BLTP3A: variants seen among roughly 807,000 people sequenced by gnomAD.
BLTP3A encodes ICBP90 binding protein 1.
At chr6:34,850,272 C>A in the BLTP3A span, among the ~76,000 whole-genome samples, 1 of 152,148 alleles carries the variant, frequency 6.6e-6, no homozygotes, top group Non-Finnish European at 1.5e-5. Flanking sequence ...TCTCTTGCAG[C>A]TTTTAGGATC....
chr6:34,835,875 T>G, the BLTP3A span, among the ~76,000 whole-genome samples: 2 of 152,234 alleles, frequency 1.3e-5, no homozygotes, highest in Non-Finnish European at 2.9e-5. Context: ...AGGAAATGTT[T>G]TAGCATCAGT....
the BLTP3A span, chr6:34,835,289 C>T: frequency 6.2e-7 from 1 of 1,613,580 alleles, no homozygotes; most frequent in Non-Finnish European, 8.5e-7. Flanking sequence ...CTGTGGCTTC[C>T]TCAGACCAAA....
At chr6:34,799,104 G>C in the BLTP3A span, among the ~76,000 whole-genome samples, 1 of 151,948 alleles carries the variant, frequency 6.6e-6, no homozygotes, top group Non-Finnish European at 1.5e-5. Flanking sequence ...ACCAGGCCTG[G>C]CTAATTTTTG....
chr6:34,860,543 C>G, the BLTP3A span, among the ~76,000 whole-genome samples: 2 of 152,104 alleles, frequency 1.3e-5, no homozygotes, highest in South Asian at 2.1e-4. Flanking sequence ...CTTCAAGGGT[C>G]GAGTTGTATA....
chr6:34,834,415 C>G, the BLTP3A span: 1 of 1,612,210 alleles, frequency 6.2e-7, no homozygotes, highest in Non-Finnish European at 8.5e-7. Flanking sequence ...AGGTGACAGC[C>G]CCATCATTGT....
At chr6:34,838,219 A>G in the BLTP3A span, among the ~76,000 whole-genome samples, 1 of 152,230 alleles carries the variant, frequency 6.6e-6, no homozygotes, top group Non-Finnish European at 1.5e-5. Flanking sequence ...TTCTTCTTAC[A>G]TTATGATTGT....
the BLTP3A span, among the ~76,000 whole-genome samples, chr6:34,844,186 G>A: frequency 6.6e-6 from 1 of 152,082 alleles, no homozygotes; most frequent in Non-Finnish European, 1.5e-5. Flanking sequence ...GTTTCACCAT[G>A]TTAGTCAGGA....
At chr6:34,833,632 A>G in the BLTP3A span, among the ~76,000 whole-genome samples, 26 of 152,062 alleles carry the variant, frequency 1.7e-4, no homozygotes, top group African/African-American at 5.6e-4. Flanking sequence ...AAAATTTCTC[A>G]TTAAAGAAAG....
At chr6:34,792,181 C>A in the BLTP3A span, 17 of 1,426,906 alleles carry the variant, frequency 1.2e-5, no homozygotes, top group South Asian at 2.2e-4. Context: ...GAGGGGACCG[C>A]CTCTTCTCCA....
chr6:34,812,050 C>T, the BLTP3A span, among the ~76,000 whole-genome samples: 1 of 151,792 alleles, frequency 6.6e-6, no homozygotes, highest in Non-Finnish European at 1.5e-5. Context: ...AGAGTTAAGC[C>T]AGGCACAGTG....
At chr6:34,807,818 T>C in the BLTP3A span, among the ~76,000 whole-genome samples, 1 of 151,872 alleles carries the variant, frequency 6.6e-6, no homozygotes, top group Admixed American at 6.6e-5. Flanking sequence ...GGTGGACGGA[T>C]CATTTGAGGT....
At chr6:34,870,773 T>G in the BLTP3A span, 1 of 1,500,662 alleles carries the variant, frequency 6.7e-7, no homozygotes, top group African/African-American at 1.4e-5. Context: ...GACATAGGGT[T>G]ATTATGAATA....
chr6:34,830,157 A>G, the BLTP3A span, among the ~76,000 whole-genome samples: 1 of 151,706 alleles, frequency 6.6e-6, no homozygotes, highest in Non-Finnish European at 1.5e-5. Flanking sequence ...GGGTTTTGCC[A>G]TGTTAGTCAG....
chr6:34,834,955 G>T, the BLTP3A span: 1 of 1,467,990 alleles, frequency 6.8e-7, no homozygotes, highest in Non-Finnish European at 9.2e-7. Context: ...AATGTTATTG[G>T]CCCTGGAATG....
chr6:34,827,353 T>C, the BLTP3A span, among the ~76,000 whole-genome samples: 1 of 151,800 alleles, frequency 6.6e-6, no homozygotes, highest in Non-Finnish European at 1.5e-5. Context: ...GAAAAATAAA[T>C]CATGACAATA....
At chr6:34,862,514 C>G in the BLTP3A span, among the ~76,000 whole-genome samples, 1 of 151,826 alleles carries the variant, frequency 6.6e-6, no homozygotes, top group Non-Finnish European at 1.5e-5. Flanking sequence ...TTAATAGTTT[C>G]TCTCTCAGAA....
chr6:34,854,834 A>G, the BLTP3A span, among the ~76,000 whole-genome samples: 1 of 152,290 alleles, frequency 6.6e-6, no homozygotes, highest in South Asian at 2.1e-4. Flanking sequence ...ACTACTTACA[A>G]GGCTCTATGC....
At chr6:34,816,298 A>G in the BLTP3A span, among the ~76,000 whole-genome samples, 2 of 152,086 alleles carry the variant, frequency 1.3e-5, no homozygotes, top group East Asian at 1.9e-4. Context: ...GAAAACGTCT[A>G]TCTCACTTTC....
the BLTP3A span, among the ~76,000 whole-genome samples, chr6:34,853,339 G>C: frequency 6.6e-6 from 1 of 152,070 alleles, no homozygotes; most frequent in Non-Finnish European, 1.5e-5. Context: ...CTACAGGCAT[G>C]CGCCACCATA....
Sources: allele counts gnomAD v4.1 joint callset (sites outside exome capture counted in the v4.1 genomes callset), GRCh38; gene constraint gnomAD v4.1.1; transcripts MANE v1.5; gene names NCBI Gene and HGNC (gene_info 2026-07-23, HGNC 2026-07-21).